The following CRTAC1 variants were observed in gnomAD, a reference collection of about 807,000 sequenced individuals.
CRTAC1 encodes acidic secreted protein in cartilage.
In CRTAC1, 37 loss-of-function variants were observed where a neutral mutation model predicts 67.8. The observed-to-expected ratio is 0.55, with a 90% CI of 0.42 to 0.72. CRTAC1 has a LOEUF of 0.72. Among genes scored for constraint, CRTAC1 ranks in the 30% least tolerant of loss-of-function variants. The pLI is 0.00. For missense variants in CRTAC1, 780 were observed against 931.6 expected (o/e 0.84, Z 2.12); for synonymous variants, 348 against 371.0 (o/e 0.94, Z 0.71).
intron 5 of CRTAC1, among the ~76,000 whole-genome samples, chr10:97,910,690 C>T (rs1170828506): frequency 1.3e-5 from 2 of 152,164 alleles, no homozygotes; most frequent in Admixed American, 6.5e-5. Context: ...TAGGTGCCTC[C>T]CATCCTCTGA....
intron 2 of CRTAC1, among the ~76,000 whole-genome samples, chr10:98,006,248 C>G (rs1405389470): frequency 6.6e-6 from 1 of 152,308 alleles, no homozygotes; most frequent in Non-Finnish European, 1.5e-5. Context: ...AAAGGAGAAG[C>G]CACTGGGCTT....
At chr10:97,945,588 G>A (rs1464494545) in intron 2 of CRTAC1, among the ~76,000 whole-genome samples, 3 of 152,160 alleles carry the variant, frequency 2.0e-5, no homozygotes, top group Non-Finnish European at 4.4e-5. Context: ...AAGGAATAGA[G>A]ACTTTGGTAA....
chr10:97,952,062 C>T (rs2051363782), intron 2 of CRTAC1, among the ~76,000 whole-genome samples: 1 of 152,122 alleles, frequency 6.6e-6, no homozygotes, highest in South Asian at 2.1e-4. Context: ...GTTAAAAATG[C>T]AAATTCCACC....
chr10:97,886,364 A>T (rs1223413467), intron 11 of CRTAC1, among the ~76,000 whole-genome samples: 5 of 151,968 alleles, frequency 3.3e-5, no homozygotes, highest in African/African-American at 4.8e-5. Context: ...TGAAGAGTCC[A>T]TGGAGAGGCA....
chr10:97,968,281 C>T (rs1047524959), intron 2 of CRTAC1, among the ~76,000 whole-genome samples: 4 of 152,128 alleles, frequency 2.6e-5, no homozygotes, highest in East Asian at 1.9e-4. Context: ...CTCGCTCTGT[C>T]GCTTAGGCTG....
intron 2 of CRTAC1, among the ~76,000 whole-genome samples, chr10:97,936,704 GC>G (rs1220069214): frequency 6.6e-6 from 1 of 152,228 alleles, no homozygotes; most frequent in Non-Finnish European, 1.5e-5. Flanking sequence ...TGCTCATCTT[GC>G]CCATTTCAAT....
In CRTAC1 at chr10:97,875,517, A is replaced by C. The variant is rs74513994; in HGVS notation, c.1819+4732T>G. On this transcript the variant is annotated intron_variant, in intron 14 of 14. Coordinates refer to ENST00000370597, the MANE Select transcript of CRTAC1 (RefSeq NM_018058.7). ...GCCCATGTTCTCTTGCCTTCCTTCCAGGATATGCCTGTTGCTACAGACACA... is the reference window on the plus strand; with the variant it reads ...GCCCATGTTCTCTTGCCTTCCTTCCCGGATATGCCTGTTGCTACAGACACA... 2.6e-4 allele frequency among the ~76,000 whole-genome samples: 40 copies of C among 152,324 alleles called. No homozygotes were observed. The East Asian group carries it at 7.3e-3, about 28-fold the overall frequency.
intron 2 of CRTAC1, among the ~76,000 whole-genome samples, chr10:97,991,173 G>A (rs1417078559): frequency 2.0e-5 from 3 of 151,034 alleles, no homozygotes; most frequent in Non-Finnish European, 2.9e-5. Context: ...AGGAGGCTGA[G>A]GTGGAGGATT....
rs550574519 is a variant in CRTAC1 at position 98,006,356 on chromosome 10, G to A, written c.224+4782C>T. ...AAATCTTCCCCTCACCCCACAGGGA[G>A]CAGACTGCAATCATGCACCTGCTGG... On this transcript the variant is annotated intron_variant, in intron 2 of 14. Coordinates refer to ENST00000370597, the MANE Select transcript of CRTAC1 (RefSeq NM_018058.7). Among the ~76,000 whole-genome samples, 20 of 152,332 alleles carry A rather than the reference G, an allele frequency of 1.3e-4. 1 individual carries two copies. In the South Asian group the frequency reaches 4.1e-3, roughly 32 times the overall value.
chr10:97,995,817 G>T (rs947645511), intron 2 of CRTAC1, among the ~76,000 whole-genome samples: 2 of 152,080 alleles, frequency 1.3e-5, no homozygotes, highest in Non-Finnish European at 2.9e-5. Context: ...GTATTCTCAG[G>T]TCAGTAGGAC....
At chr10:97,990,022 A>G (rs1053064215) in intron 2 of CRTAC1, among the ~76,000 whole-genome samples, 1 of 152,306 alleles carries the variant, frequency 6.6e-6, no homozygotes, top group East Asian at 1.9e-4. Flanking sequence ...TTTTTATGAC[A>G]GTACATAAGC....
chr10:97,894,715 T>C (rs12770917), intron 11 of CRTAC1, among the ~76,000 whole-genome samples: 24 of 8,808 alleles, frequency 2.7e-3, no homozygotes, highest in East Asian at 6.8e-3. Context: ...CTTTTACATA[T>C]ATATATATAT....
At chr10:97,963,414 T>A (rs1044191705) in intron 2 of CRTAC1, among the ~76,000 whole-genome samples, 5 of 152,198 alleles carry the variant, frequency 3.3e-5, no homozygotes, top group African/African-American at 9.7e-5. Context: ...TTTAACAAGT[T>A]CTCCAGGTGA....
At chr10:97,885,714 A>T (rs2050273545) in intron 11 of CRTAC1, among the ~76,000 whole-genome samples, 1 of 151,950 alleles carries the variant, frequency 6.6e-6, no homozygotes, top group South Asian at 2.1e-4. Context: ...TGGGAAGGAG[A>T]GCTGTGCCCA....
intron 2 of CRTAC1, among the ~76,000 whole-genome samples, chr10:97,980,912 A>G (rs2051882478): frequency 6.6e-6 from 1 of 152,222 alleles, no homozygotes; most frequent in Non-Finnish European, 1.5e-5. Flanking sequence ...AGCGCATTTC[A>G]GAAACCTTCT....
intron 14 of CRTAC1, 48 bp from the exon 15 acceptor site, chr10:97,865,762 G>A (rs1212861812): frequency 1.1e-5 from 16 of 1,517,944 alleles, no homozygotes; most frequent in South Asian, 2.5e-5. Context: ...GACCTGCGGC[G>A]GCTGCGCTAC....
intron 4 of CRTAC1, among the ~76,000 whole-genome samples, chr10:97,922,280 G>A (rs942436782): frequency 1.3e-5 from 2 of 152,272 alleles, no homozygotes; most frequent in South Asian, 4.2e-4. Context: ...TCTTCCCAGC[G>A]CCAGCTTGTT....
chr10:98,020,000 A>G (rs1156405033), intron 1 of CRTAC1, among the ~76,000 whole-genome samples: 1 of 152,146 alleles, frequency 6.6e-6, no homozygotes, highest in East Asian at 1.9e-4. Context: ...TTCATTCTTC[A>G]CACCCACTGG....
chr10:97,936,988 T>C (rs941453193), intron 2 of CRTAC1, among the ~76,000 whole-genome samples: 1 of 152,146 alleles, frequency 6.6e-6, no homozygotes, highest in African/African-American at 2.4e-5. Context: ...TTGTTGAGGT[T>C]TGAACAACTC....
Sources: gnomAD v4.1 joint callset for allele counts (sites outside exome capture counted in the v4.1 genomes callset) on GRCh38, gnomAD v4.1.1 for gene constraint, MANE v1.5 for transcripts, NCBI Gene and HGNC (gene_info 2026-07-23, HGNC 2026-07-21) for gene names.